The following PXT1 variants were observed in gnomAD, a reference collection of about 807,000 sequenced individuals.
PXT1 encodes peroxisomal testis-specific protein 1.
In PXT1, 11 loss-of-function variants were observed where a neutral mutation model predicts 11.0. The ratio of observed to expected loss-of-function variants is 1.00; its 90% CI spans 0.63 to 1.66. PXT1 has a LOEUF of 1.66. Ranked by LOEUF, PXT1 falls within the 40% of genes most tolerant of loss-of-function variation. The pLI, the probability that PXT1 is intolerant of heterozygous loss-of-function variation, is 0.00. For missense variants in PXT1, 141 were observed against 155.5 expected (o/e 0.91, Z 0.49); for synonymous variants, 43 against 51.4 (o/e 0.84, Z 0.70).
At chr6:36,396,356 C>G (rs1327731642) in intron 4 of PXT1, among the ~76,000 whole-genome samples, 11 of 152,164 alleles carry the variant, frequency 7.2e-5, no homozygotes, top group Non-Finnish European at 1.3e-4. Context: ...CTCCCAGTTG[C>G]AGGACCCAGG....
At chr6:36,439,884 T>C (rs1398810138) in intron 1 of PXT1, among the ~76,000 whole-genome samples, 1 of 152,060 alleles carries the variant, frequency 6.6e-6, no homozygotes, top group Admixed American at 6.6e-5. Context: ...CTATCCTGAC[T>C]CCCCACAGGA....
intron 2 of PXT1, 139 bp from the exon 3 acceptor site, chr6:36,426,230 G>A (rs1774604208): frequency 1.7e-6 from 1 of 578,972 alleles, no homozygotes. Context: ...GTAGAAGGTG[G>A]ACCAGAGTGA....
intron 4 of PXT1, among the ~76,000 whole-genome samples, chr6:36,397,285 CA>C (rs1774157263): frequency 6.6e-6 from 1 of 152,110 alleles, no homozygotes; most frequent in Non-Finnish European, 1.5e-5. Context: ...GTCTTTTCAA[CA>C]AATGGTACTC....
intron 4 of PXT1, 25 bp from the exon 5 acceptor site, chr6:36,391,899 A>G: frequency 2.2e-6 from 3 of 1,370,414 alleles, no homozygotes; most frequent in Non-Finnish European, 2.9e-6. Context: ...GGAGACACAG[A>G]GAAAGGTTTT....
chr6:36,421,860 C>T (rs9380572), intron 3 of PXT1, among the ~76,000 whole-genome samples: 70,753 of 151,930 alleles, frequency 0.47, 16,955 homozygotes, highest in Middle Eastern at 0.55. Context: ...TTTTAGAACC[C>T]TATGCTCTAA....
chr6:36,423,823 C>T (rs889826225), intron 3 of PXT1, among the ~76,000 whole-genome samples: 1 of 152,152 alleles, frequency 6.6e-6, no homozygotes. Context: ...AATTGTTTGG[C>T]AGGCGTTGAA....
At chr6:36,432,546 C>T (rs1352499106) in intron 2 of PXT1, among the ~76,000 whole-genome samples, 2 of 151,970 alleles carry the variant, frequency 1.3e-5, no homozygotes, top group Non-Finnish European at 1.5e-5. Context: ...AAGAAGAAAA[C>T]AAGGAGAAGC....
At chr6:36,402,398 G>T (rs1486638351) in intron 3 of PXT1, among the ~76,000 whole-genome samples, 2 of 152,162 alleles carry the variant, frequency 1.3e-5, no homozygotes, top group Non-Finnish European at 2.9e-5. Context: ...GAGTTGTGTT[G>T]AACCTATTTC....
chr6:36,423,288 G>A (rs1774548250), intron 3 of PXT1, among the ~76,000 whole-genome samples: 1 of 152,346 alleles, frequency 6.6e-6, no homozygotes, highest in Admixed American at 6.5e-5. Flanking sequence ...ATTTTCTCAG[G>A]CTCCCCGCCA....
At chr6:36,412,436 C>T (rs946650247) in intron 3 of PXT1, among the ~76,000 whole-genome samples, 22 of 149,848 alleles carry the variant, frequency 1.5e-4, no homozygotes, top group African/African-American at 3.4e-4. Context: ...CCGAGGTGGG[C>T]GGATCACGAG....
At chr6:36,401,309 A>T (rs1472762764) in intron 3 of PXT1, among the ~76,000 whole-genome samples, 2 of 152,130 alleles carry the variant, frequency 1.3e-5, no homozygotes, top group Non-Finnish European at 2.9e-5. Flanking sequence ...ACCTTGATCT[A>T]TACTTAGATT....
At chr6:36,439,409 G>T (rs1328492356) in intron 1 of PXT1, among the ~76,000 whole-genome samples, 2 of 151,306 alleles carry the variant, frequency 1.3e-5, no homozygotes, top group Non-Finnish European at 3.0e-5. Context: ...GTCAGGAGTT[G>T]GAGAAGAGCC....
intron 2 of PXT1, among the ~76,000 whole-genome samples, chr6:36,426,638 G>A (rs1774612344): frequency 6.6e-6 from 1 of 152,090 alleles, no homozygotes; most frequent in Non-Finnish European, 1.5e-5. Flanking sequence ...CCAAAGTGTT[G>A]GGATTACAGG....
intron 3 of PXT1, among the ~76,000 whole-genome samples, chr6:36,422,343 C>CT (rs1561931310): frequency 6.6e-6 from 1 of 152,172 alleles, no homozygotes; most frequent in African/African-American, 2.4e-5. Context: ...GCTGCTCCCT[C>CT]TGTCTGCAAC....
At chr6:36,392,179 C>A (rs1414278523) in intron 4 of PXT1, among the ~76,000 whole-genome samples, 1 of 152,156 alleles carries the variant, frequency 6.6e-6, no homozygotes, top group Non-Finnish European at 1.5e-5. Flanking sequence ...AGATGCATGC[C>A]ACCATGTCTG....
chr6:36,407,439 G>A (rs1774307121), intron 3 of PXT1, among the ~76,000 whole-genome samples: 1 of 152,100 alleles, frequency 6.6e-6, no homozygotes, highest in Non-Finnish European at 1.5e-5. Context: ...TTAATATCTA[G>A]GAGAAAAAAG....
chr6:36,433,615 C>T (rs1296491413), intron 2 of PXT1, among the ~76,000 whole-genome samples: 3 of 151,316 alleles, frequency 2.0e-5, no homozygotes, highest in South Asian at 2.1e-4. Flanking sequence ...GTCAGCAGAT[C>T]GAGACCATCC....
At chr6:36,420,969 C>A (rs1425600412) in intron 3 of PXT1, among the ~76,000 whole-genome samples, 1 of 151,518 alleles carries the variant, frequency 6.6e-6, no homozygotes, top group African/African-American at 2.4e-5. Flanking sequence ...GCAAGAGGAT[C>A]GCTTGAACCC....
chr6:36,413,857 G>C (rs992702432), intron 3 of PXT1, among the ~76,000 whole-genome samples: 1 of 152,136 alleles, frequency 6.6e-6, no homozygotes, highest in Non-Finnish European at 1.5e-5. Context: ...AAATTAGCCA[G>C]ATGTGATGGC....
Sources: allele counts gnomAD v4.1 joint callset (sites outside exome capture counted in the v4.1 genomes callset), GRCh38; gene constraint gnomAD v4.1.1; transcripts MANE v1.5; gene names NCBI Gene and HGNC (gene_info 2026-07-23, HGNC 2026-07-21).